C3orf38: variants seen among roughly 807,000 people sequenced by gnomAD.
C3orf38 encodes chromosome 3 open reading frame 38.
A neutral mutation model predicts 28.3 loss-of-function variants in C3orf38; 18 were observed. That is an observed-to-expected ratio of 0.64 (90% confidence interval 0.44 to 0.94). C3orf38 has a LOEUF of 0.94. Ranked by LOEUF, C3orf38 falls within the 40% of genes least tolerant of loss-of-function variation. The pLI is 0.00. For synonymous variants in C3orf38, 145 were observed against 138.1 expected (o/e 1.05, Z -0.35); for missense variants, 364 against 396.4 (o/e 0.92, Z 0.69).
intron 1 of C3orf38, among the ~76,000 whole-genome samples, 196 bp downstream of exon 1, chr3:88,150,381 A>G (rs1489219819): frequency 6.6e-6 from 1 of 152,210 alleles, no homozygotes; most frequent in African/African-American, 2.4e-5. Flanking sequence ...GGTTTTATCC[A>G]TTGAATATTA....
intron 2 of C3orf38, among the ~76,000 whole-genome samples, chr3:88,154,586 G>C (rs1707456002): frequency 6.6e-6 from 1 of 152,128 alleles, no homozygotes; most frequent in Admixed American, 6.5e-5. Context: ...AGAAAGCTTT[G>C]CCTTCACACT....
At chr3:88,153,590 T>A (rs1707444873) in intron 2 of C3orf38, 119 bp downstream of exon 2, 2 of 1,237,146 alleles carry the variant, frequency 1.6e-6, no homozygotes, top group Non-Finnish European at 2.2e-6. Context: ...TTTTTATTTT[T>A]TAAGAGATTC....
At chr3:88,155,210 C>T (rs1298743153) in intron 2 of C3orf38, among the ~76,000 whole-genome samples, 1 of 151,948 alleles carries the variant, frequency 6.6e-6, no homozygotes, top group Non-Finnish European at 1.5e-5. Flanking sequence ...AAAATTAATC[C>T]CAGTTATAGA....
chr3:88,150,900 G>A (rs1032292789), intron 1 of C3orf38: 2 of 152,112 alleles, frequency 1.3e-5, no homozygotes, highest in Admixed American at 1.3e-4. Context: ...TTATAAAACT[G>A]GGTTTTTCTG....
chr3:88,156,228 G>A lies in C3orf38; in HGVS notation c.583G>A (p.Ala195Thr). The change falls in exon 3 of 3, where the codon GCA (alanine) becomes ACA (threonine). Residue 195 changes from alanine to threonine, a missense_variant. Transcript: ENST00000318887. Reference protein sequence around the residue: ...SEQNVMDYHGAEIVSLRLLSL... With the variant: ...SEQNVMDYHGTEIVSLRLLSL... ...ACAAAATGTTATGGACTACCATGGA[G>A]CAGAAATCGTGAGCCTTCGTTTGCT... 1 of 1,614,042 alleles carries A rather than the reference G, an allele frequency of 6.2e-7. No individual in the cohort carries two copies. Among genetic ancestry groups the A allele is most frequent in the Non-Finnish European group, 8.5e-7 (1 of 1,180,018 alleles).
rs761966424 is a variant in C3orf38, at chr3:88,156,276, C to A, written c.631C>A (p.Leu211Ile). Residue 211 changes from leucine (L) to isoleucine (I), a missense_variant, in exon 3 of 3, where the codon CTT becomes ATT. Transcript: ENST00000318887. ...GCTGTCACTAGTAAAAGAAGAATTT[C>A]TTTTTCTCAGCCCCAACCTAGATTC... Reference protein sequence around the residue: ...RLLSLVKEEFLFLSPNLDSHG... With the variant: ...RLLSLVKEEFIFLSPNLDSHG... 1 of 1,614,174 alleles carries A rather than the reference C, an allele frequency of 6.2e-7. No individual in the cohort carries two copies. Among genetic ancestry groups the A allele is most frequent in the Non-Finnish European group, 8.5e-7 (1 of 1,180,038 alleles).
chr3:88,154,232 G>A (rs1707451984), intron 2 of C3orf38, among the ~76,000 whole-genome samples: 1 of 152,136 alleles, frequency 6.6e-6, no homozygotes. Flanking sequence ...CAGGGTACGT[G>A]TGCAGGTTTG....
In C3orf38 at chr3:88,156,414, A is replaced by C; in HGVS notation, c.769A>C (p.Ile257Leu). ...LGIFEQIFGLIRCPFVENTWK... is the reference protein window; with the variant it reads ...LGIFEQIFGLLRCPFVENTWK... ...CATTTTTGAACAAATTTTTGGACTC[A>C]TCCGCTGCCCTTTTGTGGAGAATAC... The change falls in exon 3 of 3, where the codon ATC (isoleucine) becomes CTC (leucine). Residue 257 changes from isoleucine (I) to leucine (L), a missense_variant. Coordinates refer to ENST00000318887, the MANE Select transcript of C3orf38 (RefSeq NM_173824.4). 3.7e-6 allele frequency: 6 copies of C among 1,614,220 alleles called. No individual in the cohort carries two copies. The highest frequency in any genetic ancestry group is 5.1e-6 in the Non-Finnish European group (6 of 1,180,040).
chr3:88,149,973 C>A lies in C3orf38; in HGVS notation c.-80C>A. On this transcript the variant is annotated 5_prime_UTR_variant, in exon 1 of 3. Coordinates refer to ENST00000318887, the MANE Select transcript of C3orf38 (RefSeq NM_173824.4). ...CGGAGAACAACAAGAAAGGCACTTC[C>A]GGTGTCTGTTGCCAGGCGCGGGCCC... 2 of 1,568,860 alleles carry A rather than the reference C, an allele frequency of 1.3e-6. No individual in the cohort carries two copies. Among genetic ancestry groups the A allele is most frequent in the South Asian group, 1.1e-5 (1 of 88,584 alleles).
Position 88,156,755 on chromosome 3 carries a change from T to A in C3orf38, c.*120T>A. On this transcript the variant is annotated 3_prime_UTR_variant, in exon 3 of 3. Transcript: ENST00000318887. Reference sequence around the variant, plus strand: ...TACAGAAACTCTTCCAAATACTATATCAGTAATGTCTGAATGATTTCAGAT... The same window carrying A: ...TACAGAAACTCTTCCAAATACTATAACAGTAATGTCTGAATGATTTCAGAT... 4 of 991,684 alleles carry A rather than the reference T, an allele frequency of 4.0e-6. No individual in the cohort carries two copies. Among genetic ancestry groups the A allele is most frequent in the Non-Finnish European group, 5.9e-6 (4 of 677,070 alleles). 61.4% of individuals were successfully genotyped at this position (991,684 alleles called of 1,614,324 possible). A position where few individuals can be genotyped will look rare whatever the true frequency, so the allele number is the denominator to read the frequency against.
chr3:88,150,241 A>C (rs1156311486), intron 1 of C3orf38, 56 bp downstream of exon 1: 96 of 1,596,970 alleles, frequency 6.0e-5, no homozygotes, highest in Non-Finnish European at 7.8e-5. Context: ...CCTCACGCCT[A>C]CCCCGCTTAG....
chr3:88,156,894 C>A lies in C3orf38; in HGVS notation c.*259C>A. 2.6e-6 allele frequency: 1 copy of A among 384,046 alleles called. No individual in the cohort carries two copies. The allele number at this position is 384,046 out of a possible 1,614,324, so 23.8% of individuals were successfully genotyped here. ...CAGCAAGTATTCTGAAAGCTTAATG[C>A]AAATAAATCCCACTTTAGATCTTAC... On this transcript the variant is annotated 3_prime_UTR_variant, in exon 3 of 3. Transcript: ENST00000318887.
At chr3:88,152,733 C>A (rs1158567962) in intron 1 of C3orf38, among the ~76,000 whole-genome samples, 1 of 135,650 alleles carries the variant, frequency 7.4e-6, no homozygotes, top group African/African-American at 2.8e-5. Flanking sequence ...CCAGCCTGGG[C>A]GACAGAGCAA....
Position 88,156,516 on chromosome 3 carries a change from G to A in C3orf38, c.871G>A (p.Val291Ile), listed in dbSNP as rs1393895285. ...TCCTGGAACATTACCGAAACCATCTGTTAAATTTGAACAAAGTGATCTAGA... is the reference window on the plus strand; with the variant it reads ...TCCTGGAACATTACCGAAACCATCTATTAAATTTGAACAAAGTGATCTAGA... ...LAPGTLPKPS[V>I]KFEQSDLEAF... Residue 291 changes from valine (V) to isoleucine (I), a missense_variant, in exon 3 of 3, where the codon GTT becomes ATT. Coordinates refer to ENST00000318887, the MANE Select transcript of C3orf38 (RefSeq NM_173824.4). 4.3e-6 allele frequency: 7 copies of A among 1,614,058 alleles called. No individual in the cohort carries two copies. The South Asian group carries it at 5.5e-5, about 13-fold the overall frequency.
intron 2 of C3orf38, among the ~76,000 whole-genome samples, chr3:88,155,190 A>G (rs889205410): frequency 2.6e-5 from 4 of 152,234 alleles, no homozygotes; most frequent in South Asian, 2.1e-4. Context: ...AAAAAGAGAA[A>G]TAATAGAATA....
intron 1 of C3orf38, among the ~76,000 whole-genome samples, chr3:88,152,772 A>T (rs1707432634): frequency 7.0e-6 from 1 of 142,272 alleles, no homozygotes; most frequent in Non-Finnish European, 1.6e-5. Flanking sequence ...AAAAAAAAAA[A>T]GAAATACAAT....
chr3:88,150,148 T>C lies in C3orf38; in HGVS notation c.96T>C (p.Thr32=), dbSNP rs6551278. Residue 32 remains threonine, a synonymous_variant, in exon 1 of 3, where the codon ACT becomes ACC. Coordinates refer to ENST00000318887, the MANE Select transcript of C3orf38 (RefSeq NM_173824.4). ...DNDEIMALCD[T]VTNRLVQPQD... is the part of the protein sequence containing the mutation. ...ACGAGATCATGGCCCTATGCGACAC[T>C]GTCACCAACCGCCTGGTGCAGCCTC... 1,356,717 of 1,613,804 alleles carry C rather than the reference T, an allele frequency of 0.84. 573,217 individuals are homozygous for C. Among genetic ancestry groups the C allele is most frequent in the South Asian group, 0.91 (82,614 of 91,088 alleles).
Position 88,153,371 on chromosome 3 carries a change from T to C in C3orf38, c.275T>C (p.Ile92Thr). Reference protein sequence around the residue: ...IPPATEKHNLIQHAKDYWQKQ... With the variant: ...IPPATEKHNLTQHAKDYWQKQ... ...CCAGCTACTGAAAAACACAATCTTA[T>C]TCAGCATGCAAAAGATTACTGGCAA... The change falls in exon 2 of 3, where the codon ATT (isoleucine) becomes ACT (threonine). Residue 92 changes from isoleucine to threonine, a missense_variant. Transcript: ENST00000318887. 1.2e-6 allele frequency: 2 copies of C among 1,613,732 alleles called. No individual in the cohort carries two copies. The highest frequency in any genetic ancestry group is 1.7e-6 in the Non-Finnish European group (2 of 1,180,000).
chr3:88,156,224 T>A lies in C3orf38; in HGVS notation c.579T>A (p.His193Gln). ...CAGAACAAAATGTTATGGACTACCA[T>A]GGAGCAGAAATCGTGAGCCTTCGTT... ...NTSEQNVMDY[H>Q]GAEIVSLRLL... is the part of the protein sequence containing the mutation. Residue 193 changes from histidine (H) to glutamine (Q), a missense_variant, in exon 3 of 3, where the codon CAT becomes CAA. His to Gln is a conservative substitution (Grantham distance 24, BLOSUM62 0). Coordinates refer to ENST00000318887, the MANE Select transcript of C3orf38 (RefSeq NM_173824.4). 1 of 1,614,114 alleles carries A rather than the reference T, an allele frequency of 6.2e-7. No individual in the cohort carries two copies.
Sources: allele counts gnomAD v4.1 joint callset (sites outside exome capture counted in the v4.1 genomes callset), GRCh38; gene constraint gnomAD v4.1.1; transcripts MANE v1.5; gene names NCBI Gene and HGNC (gene_info 2026-07-23, HGNC 2026-07-21).